Variants in LRRC7 observed in about 807,000 individuals in gnomAD.
LRRC7 encodes leucine rich repeat containing 7, also known as leucine-rich repeat-containing protein 7.
A neutral mutation model predicts 175.7 loss-of-function variants in LRRC7; 23 were observed. The ratio of observed to expected loss-of-function variants is 0.13; its 90% confidence interval spans 0.09 to 0.19. LRRC7 has a LOEUF of 0.19. Among genes scored for constraint, LRRC7 ranks in the 10% least tolerant of loss-of-function variants. LRRC7 has a pLI of 1.00. For missense variants in LRRC7, 1,354 were observed against 1,904.7 expected, an observed-to-expected ratio of 0.71 and a Z score of 5.38; for synonymous variants, 685 against 680.9, an observed-to-expected ratio of 1.01 and a Z score of -0.09.
chr1:70,051,845 G>A (rs1427437272), intron 22 of LRRC7, among the ~76,000 whole-genome samples: 1 of 151,924 alleles, frequency 6.6e-6, no homozygotes, highest in African/African-American at 2.4e-5. Context: ...TGGTTAGAAT[G>A]CAGGTAAGGA....
rs532379371 is a variant in LRRC7 at position 69,731,668 on chromosome 1, G to T, written c.101-28523G>T. 3.3e-5 allele frequency among the ~76,000 whole-genome samples: 5 copies of T among 152,132 alleles called. No individual in the cohort carries two copies. The South Asian group carries it at 6.2e-4, about 19-fold the overall frequency. On this transcript the variant is annotated intron_variant, in intron 2 of 26. Coordinates refer to ENST00000651989, the MANE Select transcript of LRRC7 (RefSeq NM_001370785.2). The stretch of plus-strand genomic sequence containing the variant: ...TTTGAAAGGTGTTCACTTTGCTATT[G>T]CAGAACCAATTTGAAAAACATTATC...
At chr1:69,821,839 G>A (rs997786597) in intron 4 of LRRC7, among the ~76,000 whole-genome samples, 2 of 152,024 alleles carry the variant, frequency 1.3e-5, no homozygotes, top group African/African-American at 4.8e-5. Flanking sequence ...TGGTTGCAGT[G>A]AGCTGAGATT....
At chr1:69,588,377 G>C (rs1245053) in intron 1 of LRRC7, among the ~76,000 whole-genome samples, 2 of 151,752 alleles carry the variant, frequency 1.3e-5, no homozygotes, top group Non-Finnish European at 2.9e-5. Flanking sequence ...AGAATAAACC[G>C]GATGTGAAAT....
Position 69,873,503 on chromosome 1 carries a change from C to T in LRRC7, c.647+35220C>T, listed in dbSNP as rs1391097414. On this transcript the variant is annotated intron_variant, in intron 7 of 26. Transcript: ENST00000651989. ...CCAGAGTGTGCCCCTTGCCCAATCG[C>T]CTGAGACTATACAGTGACACCTACA... The T allele has an allele frequency of 1.1e-5, 6 of 532,968 alleles. No homozygotes were observed. The African/African-American group carries it at 1.2e-4, about 10-fold the overall frequency. The allele number at this position is 532,968 out of a possible 1,614,324, so 33.0% of individuals were successfully genotyped here.
intron 4 of LRRC7, among the ~76,000 whole-genome samples, chr1:69,819,636 T>C: frequency 6.7e-6 from 1 of 149,736 alleles, no homozygotes; most frequent in East Asian, 2.0e-4. Flanking sequence ...ATCTACCCTG[T>C]TGCAAGCAGG....
intron 1 of LRRC7, among the ~76,000 whole-genome samples, chr1:69,669,340 A>G (rs76823472): frequency 0.072 from 10,896 of 152,254 alleles, 488 homozygotes; most frequent in East Asian, 0.14. Context: ...TTCACTGAAT[A>G]TAGTATTCTA....
chr1:69,622,003 T>C (rs1324375781), intron 1 of LRRC7, among the ~76,000 whole-genome samples: 1 of 152,234 alleles, frequency 6.6e-6, no homozygotes. Context: ...GACTCTTATA[T>C]GTTATACTTT....
At chr1:70,021,191 T>G (rs941953409) in intron 16 of LRRC7, 62 bp downstream of exon 16, 3 of 1,534,580 alleles carry the variant, frequency 2.0e-6, no homozygotes, top group African/African-American at 1.4e-5. Flanking sequence ...TCCGTTTTTC[T>G]TATTCAGATA....
intron 1 of LRRC7, among the ~76,000 whole-genome samples, chr1:69,597,494 A>T (rs192495881): frequency 1.6e-3 from 251 of 152,340 alleles, no homozygotes; most frequent in African/African-American, 5.1e-3. Flanking sequence ...GGTTTCTACC[A>T]TATGCTATAA....
intron 1 of LRRC7, among the ~76,000 whole-genome samples, chr1:69,596,058 A>G: frequency 6.6e-6 from 1 of 151,580 alleles, no homozygotes; most frequent in Non-Finnish European, 1.5e-5. Flanking sequence ...CACTCACAGG[A>G]CGATGATACC....
intron 26 of LRRC7, among the ~76,000 whole-genome samples, chr1:70,111,459 A>G (rs1218445129): frequency 6.6e-6 from 1 of 152,202 alleles, no homozygotes; most frequent in Non-Finnish European, 1.5e-5. Context: ...CAATTATATA[A>G]CAGTAAGAGA....
intron 7 of LRRC7, among the ~76,000 whole-genome samples, chr1:69,891,953 C>A (rs1280072964): frequency 6.8e-6 from 1 of 146,408 alleles, no homozygotes; most frequent in African/African-American, 2.5e-5. Flanking sequence ...TAAAATGACA[C>A]GTGCCTGTAT....
At chr1:70,106,901 T>C (rs1435302754) in intron 25 of LRRC7, among the ~76,000 whole-genome samples, 1 of 152,242 alleles carries the variant, frequency 6.6e-6, no homozygotes, top group Non-Finnish European at 1.5e-5. Context: ...CACACAAATA[T>C]AAGCTGGGTG....
At chr1:69,601,863 T>C (rs1436778779) in intron 1 of LRRC7, among the ~76,000 whole-genome samples, 3 of 152,156 alleles carry the variant, frequency 2.0e-5, no homozygotes, top group Non-Finnish European at 4.4e-5. Flanking sequence ...GGTATTATTT[T>C]TTGCACCCTG....
chr1:69,715,801 C>T (rs1665278569), intron 2 of LRRC7, among the ~76,000 whole-genome samples: 1 of 151,810 alleles, frequency 6.6e-6, no homozygotes, highest in African/African-American at 2.4e-5. Context: ...AGGAAAAATA[C>T]ATTTTACATT....
chr1:69,870,506 G>T (rs1487071838), intron 7 of LRRC7, among the ~76,000 whole-genome samples: 1 of 151,780 alleles, frequency 6.6e-6, no homozygotes, highest in Non-Finnish European at 1.5e-5. Context: ...AGGTGTATAG[G>T]GACAAAAGGC....
intron 7 of LRRC7, among the ~76,000 whole-genome samples, chr1:69,896,712 T>C (rs756139155): frequency 6.6e-6 from 1 of 152,174 alleles, no homozygotes; most frequent in Non-Finnish European, 1.5e-5. Context: ...TATAATTATT[T>C]TTTTAGTTTA....
chr1:69,665,637 A>C (rs1249761780), intron 1 of LRRC7, among the ~76,000 whole-genome samples: 1 of 151,868 alleles, frequency 6.6e-6, no homozygotes, highest in Non-Finnish European at 1.5e-5. Context: ...CTCTGTTGGC[A>C]TATAGAGGAT....
intron 1 of LRRC7, among the ~76,000 whole-genome samples, chr1:69,663,040 T>C (rs1237037807): frequency 2.6e-5 from 4 of 152,214 alleles, no homozygotes; most frequent in Admixed American, 2.0e-4. Flanking sequence ...TTCTTTTTTT[T>C]CCCTGGGCAG....
Sources: gnomAD v4.1 joint callset for allele counts (sites outside exome capture counted in the v4.1 genomes callset) on GRCh38, gnomAD v4.1.1 for gene constraint, MANE v1.5 for transcripts, NCBI Gene and HGNC (gene_info 2026-07-23, HGNC 2026-07-21) for gene names.